The following C12orf42 variants were observed in gnomAD, a reference collection of about 807,000 sequenced individuals.
The protein encoded by C12orf42 is chromosome 12 open reading frame 42, also known as uncharacterized protein C12orf42.
A neutral mutation model predicts 21.6 loss-of-function variants in C12orf42; 25 were observed. The observed-to-expected ratio is 1.16, with a 90% CI of 0.84 to 1.62. C12orf42 has a LOEUF of 1.62. C12orf42 is among the 40% of genes most tolerant of loss of function. The pLI, the probability that C12orf42 is intolerant of heterozygous loss-of-function variation, is 0.00. For synonymous variants in C12orf42, 174 were observed against 175.0 expected (o/e 0.99, Z 0.05); for missense variants, 483 against 459.3 (o/e 1.05, Z -0.47).
At chr12:103,318,069 A>G (rs991032380) in intron 4 of C12orf42, among the ~76,000 whole-genome samples, 1 of 152,138 alleles carries the variant, frequency 6.6e-6, no homozygotes, top group Non-Finnish European at 1.5e-5. Flanking sequence ...TAGGAGGCCA[A>G]GGTGGGTTCA....
At chr12:103,286,366 A>G (rs2036461745) in intron 4 of C12orf42, among the ~76,000 whole-genome samples, 1 of 151,766 alleles carries the variant, frequency 6.6e-6, no homozygotes, top group South Asian at 2.1e-4. Context: ...AGTTACTAGC[A>G]CAATTGTTAG....
the C12orf42 span, among the ~76,000 whole-genome samples, chr12:103,146,560 A>AAAAAGAAAGAAAGAAAG: frequency 1.0e-4 from 12 of 120,054 alleles, no homozygotes; most frequent in African/African-American, 3.9e-4. Flanking sequence ...ATAAAGAAAG[A>AAAAAGAAAGAAAGAAAG]AAAGAAAGAA....
At chr12:103,159,753 C>T in the C12orf42 span, among the ~76,000 whole-genome samples, 3 of 152,202 alleles carry the variant, frequency 2.0e-5, no homozygotes, top group East Asian at 5.8e-4. Flanking sequence ...ATGGTCCCCT[C>T]CAGTTGTATC....
rs182468894 is a variant in C12orf42, at chr12:103,276,635, C to T, written n.398+515G>A. On this transcript the variant is annotated intron_variant and non_coding_transcript_variant, in intron 5 of 6. Coordinates refer to the C12orf42 transcript ENST00000546526. ...GAAAGGAGACAGAGCTGCTGTCAAC[C>T]ACAACCAATGGGGTAAGTAAAGGTG... Among the ~76,000 whole-genome samples, 6 of 152,316 alleles carry T rather than the reference C, an allele frequency of 3.9e-5. No individual in the cohort carries two copies. The Middle Eastern group carries it at 0.01, about 259-fold the overall frequency.
At chr12:103,275,339 A>G (rs550456314) in intron 5 of C12orf42, among the ~76,000 whole-genome samples, 1 of 152,310 alleles carries the variant, frequency 6.6e-6, no homozygotes, top group African/African-American at 2.4e-5. Context: ...ATAATTTTGA[A>G]ACCTATATTA....
chr12:103,084,629 G>A, the C12orf42 span, among the ~76,000 whole-genome samples: 1 of 152,270 alleles, frequency 6.6e-6, no homozygotes, highest in African/African-American at 2.4e-5. Flanking sequence ...AATTCAGAAT[G>A]TATACCTAGT....
In C12orf42 at chr12:103,301,972, A is replaced by G. The variant is rs2037682107; in HGVS notation, c.*136T>C. 1 of 995,090 alleles carries G rather than the reference A, an allele frequency of 1.0e-6. No homozygotes were observed. The highest frequency in any genetic ancestry group is 1.6e-5 in the African/African-American group (1 of 60,914). 61.6% of individuals were successfully genotyped at this position (995,090 alleles called of 1,614,324 possible). A position where few individuals can be genotyped will look rare whatever the true frequency, so the allele number is the denominator to read the frequency against. ...GCGCTAGGGACTTTTGACATTATTT[A>G]TTAGGTTCAAAAATGCTTCACAAAA... is the stretch of plus-strand genomic sequence containing the variant. On this transcript the variant is annotated 3_prime_UTR_variant, in exon 6 of 6. Coordinates refer to ENST00000548883, the MANE Select transcript of C12orf42 (RefSeq NM_198521.5).
At chr12:103,327,159 C>G (rs7975056) in intron 4 of C12orf42, among the ~76,000 whole-genome samples, 17,167 of 152,072 alleles carry the variant, frequency 0.11, 1,102 homozygotes, top group East Asian at 0.18. Context: ...TGGGACCTTC[C>G]GGTTTCTCCT....
chr12:103,296,817 A>C (rs576182753), intron 4 of C12orf42, among the ~76,000 whole-genome samples: 6 of 152,224 alleles, frequency 3.9e-5, no homozygotes, highest in Non-Finnish European at 5.9e-5. Flanking sequence ...GTTGCCTGTT[A>C]ACTCTGATGG....
intron 2 of C12orf42, among the ~76,000 whole-genome samples, chr12:103,422,162 T>C (rs1478409257): frequency 6.6e-6 from 1 of 152,182 alleles, no homozygotes. Flanking sequence ...CAAATCTCTT[T>C]AAATTCACTG....
intron 4 of C12orf42, among the ~76,000 whole-genome samples, chr12:103,317,164 T>C (rs1206119727): frequency 6.6e-6 from 1 of 152,210 alleles, no homozygotes; most frequent in Non-Finnish European, 1.5e-5. Context: ...CTGCCATGGA[T>C]GTGGGAAAGT....
the C12orf42 span, among the ~76,000 whole-genome samples, chr12:103,052,173 G>T: frequency 1.3e-5 from 2 of 151,938 alleles, no homozygotes; most frequent in Admixed American, 1.3e-4. Context: ...GTCTTTTTCT[G>T]TATATATGTA....
chr12:103,302,695 A>AC, intron 5 of C12orf42, 136 bp from the exon 6 acceptor site: 2 of 689,362 alleles, frequency 2.9e-6, no homozygotes, highest in Non-Finnish European at 4.5e-6. Flanking sequence ...AAAAAAAAAA[A>AC]CCCTGACATG....
the C12orf42 span, among the ~76,000 whole-genome samples, chr12:103,214,871 G>C: frequency 3.4e-3 from 514 of 152,196 alleles, 1 homozygote; most frequent in African/African-American, 0.012. Context: ...CTGACATCCT[G>C]ACCTCTTTAC....
chr12:103,396,081 GTTATA>G (rs989399572), intron 3 of C12orf42, among the ~76,000 whole-genome samples: 4 of 150,034 alleles, frequency 2.7e-5, no homozygotes, highest in South Asian at 2.1e-4. Flanking sequence ...TATAACTTTT[GTTATA>G]TTATATAAAT....
At chr12:103,411,647 C>G (rs1316007963) in intron 2 of C12orf42, among the ~76,000 whole-genome samples, 4 of 152,124 alleles carry the variant, frequency 2.6e-5, no homozygotes, top group Non-Finnish European at 1.5e-5. Flanking sequence ...TCTTCTTCTG[C>G]CATGGGAGGA....
At chr12:103,229,476 ATTATAT>A in the C12orf42 span, among the ~76,000 whole-genome samples, 1 of 111,288 alleles carries the variant, frequency 9.0e-6, no homozygotes, top group Non-Finnish European at 1.9e-5. Context: ...GGGATCGTCA[ATTATAT>A]TTATAATTAT....
At chr12:103,520,030 C>T in the C12orf42 span, among the ~76,000 whole-genome samples, 35 of 152,282 alleles carry the variant, frequency 2.3e-4, no homozygotes, top group African/African-American at 7.5e-4. Flanking sequence ...AATGCTGGAG[C>T]GGCCACAGGC....
chr12:103,522,563 A>T, the C12orf42 span, among the ~76,000 whole-genome samples: 1 of 152,146 alleles, frequency 6.6e-6, no homozygotes, highest in Non-Finnish European at 1.5e-5. Context: ...GAAATGGGAG[A>T]TAACATTCCA....
Sources: allele counts gnomAD v4.1 joint callset (sites outside exome capture counted in the v4.1 genomes callset), GRCh38; gene constraint gnomAD v4.1.1; transcripts MANE v1.5; gene names NCBI Gene and HGNC (gene_info 2026-07-23, HGNC 2026-07-21).